Variants in SPTB observed in about 807,000 individuals in gnomAD.
SPTB encodes spectrin beta, erythrocytic.
In SPTB, 45 loss-of-function variants were observed where a neutral mutation model predicts 256.2. That is an observed-to-expected ratio of 0.18 (90% CI 0.14 to 0.23). The LOEUF is 0.23. Ranked by LOEUF, SPTB falls within the 10% of genes least tolerant of loss-of-function variation. SPTB has a pLI of 1.00. For synonymous variants in SPTB, 1,231 were observed against 1,243.1 expected (o/e 0.99, Z 0.21); for missense variants, 2,715 against 3,040.4 (o/e 0.89, Z 2.52).
intron 2 of SPTB, among the ~76,000 whole-genome samples, chr14:64,821,137 ACTGTTCCCCGATTTTC>A (rs2083279501): frequency 1.3e-5 from 2 of 152,052 alleles, no homozygotes; most frequent in South Asian, 4.1e-4. Context: ...TCCTCCATGA[ACTGTTCCCCGATTTTC>A]CTTGCATCTC....
chr14:64,856,010 C>T (rs1042469405), intron 1 of SPTB, among the ~76,000 whole-genome samples: 3 of 152,230 alleles, frequency 2.0e-5, no homozygotes, highest in African/African-American at 4.8e-5. Flanking sequence ...GGAGTGAGGC[C>T]TGGCAGATGG....
rs10137840 is a variant in SPTB, at chr14:64,804,139, A to G, written c.301-359T>C. On this transcript the variant is annotated intron_variant, in intron 3 of 35. Transcript: ENST00000644917. ...GAACTGTTTACTGCCAGCCAGTGTT[A>G]AGAGTAATTTTTAGCTTGGTGATTG... Among the ~76,000 whole-genome samples, 3 of 152,196 alleles carry G rather than the reference A, an allele frequency of 2.0e-5. No individual in the cohort carries two copies. In the East Asian group the frequency reaches 5.8e-4, roughly 29 times the overall value.
In SPTB at chr14:64,823,276, C is replaced by A; in HGVS notation, c.-51-131G>T. 2.8e-6 allele frequency: 2 copies of A among 715,060 alleles called. No individual in the cohort carries two copies. Among genetic ancestry groups the A allele is most frequent in the South Asian group, 3.2e-5 (2 of 63,134 alleles). The allele number at this position is 715,060 out of a possible 1,614,324, so 44.3% of individuals were successfully genotyped here. A position where few individuals can be genotyped will look rare whatever the true frequency, so the allele number is the denominator to read the frequency against. On this transcript the variant is annotated intron_variant, in intron 1 of 35. Coordinates refer to ENST00000644917, the MANE Select transcript of SPTB (RefSeq NM_001355436.2). The surrounding 1 kb of genome is among the most constrained non-coding windows in gnomAD (Gnocchi z 6.5). Reference sequence around the variant, plus strand: ...CAGAACGCCATGTCATCTGCCTGGGCGTGCTTCCTACCAGGGTCTCTGGGT... The same window carrying A: ...CAGAACGCCATGTCATCTGCCTGGGAGTGCTTCCTACCAGGGTCTCTGGGT...
rs745368836 is a variant in SPTB at position 64,753,791 on chromosome 14, C to A, written c.6348G>T (p.Gly2116=). The change falls in exon 33 of 36, where the codon GGG becomes GGT. Residue 2116 remains glycine, a splice_region_variant and synonymous_variant. Transcript: ENST00000644917. ...HHAATERTSP[G]EEEGTWPQNL... ...TCTGAGGCCACGTTCCCTCTTCTTC[C>A]CCCTGCTCAGGGCATAGGGAGGAGC... is the stretch of plus-strand genomic sequence containing the variant. 3 of 1,612,948 alleles carry A rather than the reference C, an allele frequency of 1.9e-6. No individual in the cohort carries two copies. The highest frequency in any genetic ancestry group is 3.3e-5 in the Admixed American group (2 of 60,024).
intron 1 of SPTB, among the ~76,000 whole-genome samples, chr14:64,856,464 G>A (rs996755367): frequency 2.0e-5 from 3 of 152,196 alleles, no homozygotes; most frequent in African/African-American, 7.2e-5. Flanking sequence ...AAGATGCTTA[G>A]CCAAGTTCAG....
intron 9 of SPTB, among the ~76,000 whole-genome samples, chr14:64,799,504 C>T (rs2082839230): frequency 6.6e-6 from 1 of 152,134 alleles, no homozygotes; most frequent in East Asian, 1.9e-4. Flanking sequence ...TCAGGGATAT[C>T]TGGGAGAAGC....
chr14:64,757,253 C>T (rs2082027578), intron 32 of SPTB: 1 of 152,230 alleles, frequency 6.6e-6, no homozygotes, highest in Non-Finnish European at 1.5e-5. Flanking sequence ...TACTAGAGAC[C>T]TCCATGTCTA....
At position 64,786,010 on chromosome 14, in the gene SPTB, C is replaced by A; in HGVS notation, c.3562-59G>T. ...ACACACGGAGGAGGTGATGAGCACA[C>A]CTCCCAAGTGGGAGCACCACGTGCA... On this transcript the variant is annotated intron_variant, in intron 16 of 35. Transcript: ENST00000644917. This position sits in a 1 kb window ranked among gnomAD's most constrained non-coding sequence, Gnocchi z 5.6. The A allele has an allele frequency of 6.4e-7, 1 of 1,570,998 alleles. No individual in the cohort carries two copies. Among genetic ancestry groups the A allele is most frequent in the African/African-American group, 1.3e-5 (1 of 74,132 alleles).
rs375899316 is a variant in SPTB, at chr14:64,785,743, G to C, written c.3764+6C>G. The C allele has an allele frequency of 1.2e-6, 2 of 1,614,120 alleles. No individual in the cohort carries two copies. Among genetic ancestry groups the C allele is most frequent in the Non-Finnish European group, 1.7e-6 (2 of 1,180,020 alleles). On this transcript the variant is annotated splice_donor_region_variant and intron_variant, in intron 17 of 35. Transcript: ENST00000644917. This position sits in a 1 kb window ranked among gnomAD's most constrained non-coding sequence, Gnocchi z 4.4. The stretch of plus-strand genomic sequence containing the variant: ...GGGGCCTCGTGGCCCTGGGGCCCGG[G>C]AGTACCTGTCCTCAATCAGCTGCAC...
intron 1 of SPTB, among the ~76,000 whole-genome samples, chr14:64,860,315 C>T (rs1167169116): frequency 2.6e-5 from 4 of 152,204 alleles, no homozygotes; most frequent in East Asian, 3.9e-4. Context: ...CCTAAAGGAT[C>T]GTCATATATT....
At chr14:64,831,211 G>A (rs969466927) in intron 1 of SPTB, among the ~76,000 whole-genome samples, 1 of 152,202 alleles carries the variant, frequency 6.6e-6, no homozygotes, top group Non-Finnish European at 1.5e-5. Context: ...GCCAAGGGAG[G>A]TCAGATCTTT....
intron 1 of SPTB, among the ~76,000 whole-genome samples, chr14:64,876,459 T>C (rs911766429): frequency 6.6e-6 from 1 of 152,152 alleles, no homozygotes; most frequent in Non-Finnish European, 1.5e-5. Context: ...CAGTAAAATT[T>C]TGTGTTTGAT....
Position 64,786,906 on chromosome 14 carries a change from T to G in SPTB, c.3059A>C (p.Gln1020Pro), listed in dbSNP as rs1206538272. 1.2e-6 allele frequency: 2 copies of G among 1,613,040 alleles called. No individual in the cohort carries two copies. Among genetic ancestry groups the G allele is most frequent in the Non-Finnish European group, 1.7e-6 (2 of 1,180,026 alleles). ...RVDALERESQQLMDSHPEQKE... is the reference protein window; with the variant it reads ...RVDALERESQPLMDSHPEQKE... ...CTGCTCAGGGTGCGAGTCCATCAGC[T>G]GCTGGGACTCACGCTCCAGGGCATC... The change falls in exon 16 of 36, where the codon CAG (glutamine) becomes CCG (proline). Residue 1020 changes from glutamine to proline, a missense_variant. By Grantham distance (76) the Gln-to-Pro change is moderately conservative (BLOSUM62 -1). Coordinates refer to ENST00000644917, the MANE Select transcript of SPTB (RefSeq NM_001355436.2). This position sits in a 1 kb window ranked among gnomAD's most constrained non-coding sequence, Gnocchi z 5.6.
intron 26 of SPTB, among the ~76,000 whole-genome samples, 184 bp from the exon 27 acceptor site, chr14:64,771,313 C>T (rs1200046292): frequency 6.6e-6 from 1 of 152,230 alleles, no homozygotes; most frequent in East Asian, 1.9e-4. Flanking sequence ...ACACCTCTGC[C>T]TACCCAAGAT....
chr14:64,862,476 G>A (rs765576767), intron 1 of SPTB, among the ~76,000 whole-genome samples: 21 of 151,942 alleles, frequency 1.4e-4, no homozygotes, highest in Non-Finnish European at 2.5e-4. Flanking sequence ...AACGCAGTGA[G>A]ACCCCATCTC....
At position 64,749,356 on chromosome 14, in the gene SPTB, C is replaced by A; in HGVS notation, c.6937G>T (p.Gly2313Cys). ...AATCTCTTCTCCTTGTCTTTCTTGC[C>A]GAGGCTGGCGTCGGGGCCGGAGAGG... ...PSLSGPDASL[G>C]KKDKEKRFSF... Residue 2313 changes from glycine to cysteine, a missense_variant, in exon 36 of 36, where the codon GGC becomes TGC. Coordinates refer to ENST00000644917, the MANE Select transcript of SPTB (RefSeq NM_001355436.2). The surrounding 1 kb of genome is among the most constrained non-coding windows in gnomAD (Gnocchi z 4.7). The A allele has an allele frequency of 6.2e-7, 1 of 1,610,546 alleles. No individual in the cohort carries two copies. The highest frequency in any genetic ancestry group is 8.5e-7 in the Non-Finnish European group (1 of 1,179,596).
intron 33 of SPTB, among the ~76,000 whole-genome samples, 156 bp downstream of exon 33, chr14:64,753,381 C>A (rs768868316): frequency 6.6e-6 from 1 of 152,102 alleles, no homozygotes; most frequent in African/African-American, 2.4e-5. Flanking sequence ...AAGTAGCCCT[C>A]GGGGCTGGCC....
chr14:64,772,881 T>A lies in SPTB; in HGVS notation c.5252A>T (p.Asn1751Ile). The change falls in exon 26 of 36, where the codon AAT becomes ATT. Residue 1751 changes from asparagine (N) to isoleucine (I), a missense_variant. Around this residue, in one of 4 missense-constraint regions of SPTB, gnomAD observed 2,239 missense variants for 2,384.4 expected, o/e 0.94. Transcript: ENST00000644917. The surrounding 1 kb of genome is among the most constrained non-coding windows in gnomAD (Gnocchi z 5.4). ...GTCGATGAGTCGCTCGATGAAGGCATTCACATTGTCCACCCGCTCCTGCCC... is the reference window on the plus strand; with the variant it reads ...GTCGATGAGTCGCTCGATGAAGGCAATCACATTGTCCACCCGCTCCTGCCC... ...AIGQERVDNV[N>I]AFIERLIDAG... 1 of 1,609,164 alleles carries A rather than the reference T, an allele frequency of 6.2e-7. No homozygotes were observed. Among genetic ancestry groups the A allele is most frequent in the Non-Finnish European group, 8.5e-7 (1 of 1,176,490 alleles).
chr14:64,772,000 G>A (rs980020313), intron 26 of SPTB, among the ~76,000 whole-genome samples: 4 of 152,184 alleles, frequency 2.6e-5, no homozygotes, highest in African/African-American at 7.2e-5. Flanking sequence ...ACGGATCTGC[G>A]GAGGGCACTC....
Sources: gnomAD v4.1 joint callset for allele counts (sites outside exome capture counted in the v4.1 genomes callset) on GRCh38, gnomAD v4.1.1 for gene constraint, gnomAD v4.1.1 regional missense constraint, Gnocchi (gnomAD v3.1) non-coding constraint, MANE v1.5 for transcripts, NCBI Gene and HGNC (gene_info 2026-07-23, HGNC 2026-07-21) for gene names.